Variants in WASHC3 observed in about 807,000 individuals in gnomAD.
WASHC3 encodes the protein WASH complex subunit 3.
Under a neutral mutation model 26.1 loss-of-function variants are expected in WASHC3, and 24 were observed. The observed-to-expected ratio is 0.92, with a 90% CI of 0.66 to 1.29. The LOEUF (loss-of-function observed/expected upper bound fraction) is 1.29, where lower values mean the gene tolerates loss of function less well. Among genes scored for constraint, WASHC3 ranks in the 50% most tolerant of loss-of-function variants. WASHC3 has a pLI of 0.00. For missense variants in WASHC3, 214 were observed against 229.6 expected (o/e 0.93, Z 0.44); for synonymous variants, 77 against 75.7 (o/e 1.02, Z -0.09).
intron 6 of WASHC3, among the ~76,000 whole-genome samples, chr12:102,023,749 A>G (rs1426227324): frequency 6.6e-6 from 1 of 152,190 alleles, no homozygotes; most frequent in African/African-American, 2.4e-5. Context: ...GCATGTGCAT[A>G]TGAGGTAATG....
Position 102,012,911 on chromosome 12 carries a change from TGAGG to T in WASHC3, c.*193_*196del. ...ATTTAGGTTATCCTATTTTTCATTT[TGAGG>T]CCCTTTATTTTAGCAACAAGACATA... is the stretch of plus-strand genomic sequence containing the variant. On this transcript the variant is annotated 3_prime_UTR_variant, in exon 7 of 7. Transcript: ENST00000240079. 4.5e-6 allele frequency: 2 copies of T among 445,848 alleles called. No individual in the cohort carries two copies. The highest frequency in any genetic ancestry group is 7.9e-6 in the Non-Finnish European group (2 of 254,218). The allele number at this position is 445,848 out of a possible 1,614,324, so 27.6% of individuals were successfully genotyped here.
chr12:102,049,804 C>T (rs933914980), intron 2 of WASHC3, among the ~76,000 whole-genome samples: 9 of 152,036 alleles, frequency 5.9e-5, no homozygotes, highest in Admixed American at 5.9e-4. Context: ...TTAAGCCCAG[C>T]AGTGGTTAAA....
chr12:102,061,742 C>G (rs61936653), intron 1 of WASHC3, among the ~76,000 whole-genome samples, 170 bp downstream of exon 1: 2,034 of 152,252 alleles, frequency 0.013, 32 homozygotes, highest in Middle Eastern at 0.024. Context: ...GGAGGGACCC[C>G]ATTTCAAGGT....
At chr12:102,061,680 C>A (rs374234215) in intron 1 of WASHC3, among the ~76,000 whole-genome samples, 28 of 152,252 alleles carry the variant, frequency 1.8e-4, no homozygotes, top group African/African-American at 6.5e-4. Context: ...GAGAGACAAG[C>A]GAGATGGGAA....
rs750034382 is a variant in WASHC3 at position 102,013,072 on chromosome 12, C to CA, written c.*35_*36insT. On this transcript the variant is annotated 3_prime_UTR_variant, in exon 7 of 7. Transcript: ENST00000240079. ...TCTCTTACAGAATGTAAATGTACCC[C>CA]TATGCATGCATATGTAATTCTTATC... is the stretch of plus-strand genomic sequence containing the variant. 2 of 894,392 alleles carry CA rather than the reference C, an allele frequency of 2.2e-6. No homozygotes were observed. The highest frequency in any genetic ancestry group is 2.9e-5 in the South Asian group (2 of 68,338). The allele number at this position is 894,392 out of a possible 1,614,324, so 55.4% of individuals were successfully genotyped here.
intron 5 of WASHC3, among the ~76,000 whole-genome samples, chr12:102,031,359 A>G (rs991413440): frequency 6.6e-6 from 1 of 152,174 alleles, no homozygotes; most frequent in African/African-American, 2.4e-5. Flanking sequence ...TAGAAAGTAG[A>G]AGGAGGAGGA....
At chr12:102,048,873 G>A (rs1305258158) in intron 2 of WASHC3, among the ~76,000 whole-genome samples, 1 of 152,086 alleles carries the variant, frequency 6.6e-6, no homozygotes, top group Non-Finnish European at 1.5e-5. Flanking sequence ...AGGGTCCATG[G>A]CATGATTAAG....
intron 6 of WASHC3, among the ~76,000 whole-genome samples, chr12:102,014,073 ATCTTTT>A (rs1876595192): frequency 7.4e-6 from 1 of 134,596 alleles, no homozygotes; most frequent in African/African-American, 2.8e-5. Context: ...TAACTGCTAC[ATCTTTT>A]TTTTTTTTTT....
At chr12:102,047,365 T>C (rs1207130748) in intron 2 of WASHC3, among the ~76,000 whole-genome samples, 1 of 152,236 alleles carries the variant, frequency 6.6e-6, no homozygotes, top group African/African-American at 2.4e-5. Context: ...ACAAAGCAGA[T>C]AGTGCTTCTT....
At chr12:102,026,776 A>G (rs943280358) in intron 5 of WASHC3, among the ~76,000 whole-genome samples, 1 of 152,214 alleles carries the variant, frequency 6.6e-6, no homozygotes, top group Non-Finnish European at 1.5e-5. Context: ...TAAGGGGAGA[A>G]GATGTAATCA....
intron 6 of WASHC3, among the ~76,000 whole-genome samples, chr12:102,016,125 A>G (rs1409193181): frequency 1.2e-4 from 17 of 147,026 alleles, no homozygotes; most frequent in Middle Eastern, 4.4e-3. Context: ...CCTGACCTCA[A>G]GTGATCCATC....
At chr12:102,058,756 A>G (rs1263420782) in intron 2 of WASHC3, among the ~76,000 whole-genome samples, 2 of 152,196 alleles carry the variant, frequency 1.3e-5, no homozygotes. Context: ...TGTACTTGAA[A>G]GTTCACTGCA....
At chr12:102,051,247 T>A (rs1401517812) in intron 2 of WASHC3, among the ~76,000 whole-genome samples, 1 of 152,220 alleles carries the variant, frequency 6.6e-6, no homozygotes, top group Non-Finnish European at 1.5e-5. Flanking sequence ...TTCCTCCCAG[T>A]TCACTCTCAG....
intron 6 of WASHC3, among the ~76,000 whole-genome samples, chr12:102,023,922 C>A (rs761915670): frequency 1.2e-4 from 18 of 152,078 alleles, no homozygotes; most frequent in Non-Finnish European, 2.2e-4. Flanking sequence ...AAGTGAGACA[C>A]AAGGAAATGT....
chr12:102,051,990 T>C (rs1268329773), intron 2 of WASHC3, among the ~76,000 whole-genome samples: 1 of 152,140 alleles, frequency 6.6e-6, no homozygotes, highest in Non-Finnish European at 1.5e-5. Flanking sequence ...CAACCCTAGA[T>C]TATCATACAT....
intron 6 of WASHC3, among the ~76,000 whole-genome samples, chr12:102,016,049 CT>C (rs1876687720): frequency 6.6e-6 from 1 of 152,106 alleles, no homozygotes; most frequent in Non-Finnish European, 1.5e-5. Flanking sequence ...GCCACCACCC[CT>C]GGCTAATTTT....
intron 2 of WASHC3, chr12:102,050,377 G>A (rs1878341126): frequency 2.4e-6 from 1 of 425,468 alleles, no homozygotes; most frequent in Admixed American, 2.5e-5. Flanking sequence ...CCAGCACTTG[G>A]GAGGCCGAGG....
chr12:102,014,353 G>A (rs919165062), intron 6 of WASHC3, among the ~76,000 whole-genome samples: 10 of 2,628 alleles, frequency 3.8e-3, no homozygotes, highest in South Asian at 0.016. Context: ...TTATAGATGC[G>A]AGCCCGTGCC....
chr12:102,017,558 CAGAAACTGTA>C (rs1218206893), intron 6 of WASHC3, among the ~76,000 whole-genome samples: 2 of 152,190 alleles, frequency 1.3e-5, no homozygotes, highest in African/African-American at 4.8e-5. Flanking sequence ...AGGCTGCATT[CAGAAACTGTA>C]AGTCATTTGT....
Sources: gnomAD v4.1 joint callset for allele counts (sites outside exome capture counted in the v4.1 genomes callset) on GRCh38, gnomAD v4.1.1 for gene constraint, MANE v1.5 for transcripts, NCBI Gene and HGNC (gene_info 2026-07-23, HGNC 2026-07-21) for gene names.